The following MCTP2 variants were observed in gnomAD, a reference collection of about 807,000 sequenced individuals.
MCTP2 encodes multiple C2 and transmembrane domain containing 2.
MCTP2 carries 132 observed loss-of-function variants against 111.6 expected under a neutral mutation model. The observed-to-expected ratio is 1.18, with a 90% CI of 1.03 to 1.37. The LOEUF is 1.37. Ranked by LOEUF, MCTP2 falls within the 40% of genes most tolerant of loss-of-function variation. The pLI is 0.00. For synonymous variants in MCTP2, 395 were observed against 387.7 expected (o/e 1.02, Z -0.22); for missense variants, 1,183 against 1,067.9 (o/e 1.11, Z -1.50).
intron 17 of MCTP2, among the ~76,000 whole-genome samples, chr15:94,405,740 G>T (rs901402961): frequency 3.9e-5 from 6 of 152,184 alleles, no homozygotes; most frequent in Admixed American, 3.3e-4. Flanking sequence ...AGTTTCTATA[G>T]ACTCAGTTCT....
intron 1 of MCTP2, among the ~76,000 whole-genome samples, chr15:94,289,012 C>T (rs556399145): frequency 2.1e-4 from 32 of 152,158 alleles, no homozygotes; most frequent in Non-Finnish European, 3.8e-4. Context: ...ATAGAGTCTC[C>T]GGGATTATAG....
chr15:94,387,295 A>C (rs897643911), intron 14 of MCTP2, among the ~76,000 whole-genome samples: 4 of 151,720 alleles, frequency 2.6e-5, no homozygotes, highest in Non-Finnish European at 5.9e-5. Context: ...GCATCGTAGC[A>C]TGTCCAGCCG....
intron 19 of MCTP2, among the ~76,000 whole-genome samples, chr15:94,455,291 G>A (rs1244290594): frequency 1.3e-5 from 2 of 152,222 alleles, no homozygotes; most frequent in African/African-American, 2.4e-5. Flanking sequence ...TCCTGTGAAT[G>A]AATATAAAAA....
At chr15:94,280,409 T>G (rs1244316960) in intron 1 of MCTP2, among the ~76,000 whole-genome samples, 1 of 108,288 alleles carries the variant, frequency 9.2e-6, no homozygotes, top group African/African-American at 4.2e-5. Context: ...TCCATTAGTC[T>G]CGAGGGTTTT....
intron 10 of MCTP2, among the ~76,000 whole-genome samples, chr15:94,365,737 A>G (rs893062797): frequency 6.6e-6 from 1 of 152,162 alleles, no homozygotes; most frequent in Non-Finnish European, 1.5e-5. Context: ...TTGTATCTAA[A>G]TAAATTTTGG....
rs1410264046 is a variant in MCTP2, at chr15:94,390,100, A to ATG, written c.1788+4576_1788+4577insGT. 1.5e-3 allele frequency among the ~76,000 whole-genome samples: 127 copies of ATG among 82,518 alleles called. 6 individuals are homozygous for ATG. The highest frequency in any genetic ancestry group is 9.9e-3 in the East Asian group (40 of 4,024). 54.1% of individuals were successfully genotyped at this position (82,518 alleles called of 152,430 possible). A position where few individuals can be genotyped will look rare whatever the true frequency, so the allele number is the denominator to read the frequency against. On this transcript the variant is annotated intron_variant, in intron 14 of 22. Transcript: ENST00000357742. ...TATATATATATATATGTATATATAT[A>ATG]TATATATATATATGTATATATATAT...
chr15:94,323,990 C>T (rs2076738461), intron 4 of MCTP2, among the ~76,000 whole-genome samples: 1 of 152,198 alleles, frequency 6.6e-6, no homozygotes, highest in Non-Finnish European at 1.5e-5. Flanking sequence ...AGGACTTACA[C>T]TTGTTTTAAG....
intron 12 of MCTP2, among the ~76,000 whole-genome samples, chr15:94,371,502 G>A (rs530750389): frequency 4.6e-5 from 7 of 152,100 alleles, no homozygotes; most frequent in East Asian, 1.9e-4. Flanking sequence ...AGCGCTTTTC[G>A]AATGCACTGT....
At chr15:94,418,995 A>T (rs951879407) in intron 17 of MCTP2, among the ~76,000 whole-genome samples, 1 of 152,174 alleles carries the variant, frequency 6.6e-6, no homozygotes, top group Non-Finnish European at 1.5e-5. Context: ...TTAAAGTTAG[A>T]ATGGATCAGC....
In MCTP2 at chr15:94,460,622, G is replaced by A. The variant is rs188822359; in HGVS notation, c.2360+2376G>A. ...AAAAGACAAAAGTGACTGTTGTGCC[G>A]TTGATAATGTAAAAGGAAATGTGTC... is the stretch of plus-strand genomic sequence containing the variant. On this transcript the variant is annotated intron_variant, in intron 20 of 22. Coordinates refer to ENST00000357742, the MANE Select transcript of MCTP2 (RefSeq NM_001385001.1). 6.7e-3 allele frequency among the ~76,000 whole-genome samples: 1,017 copies of A among 152,334 alleles called. 16 individuals carry two copies. Among genetic ancestry groups the A allele is most frequent in the African/African-American group, 0.022 (902 of 41,574 alleles).
intron 1 of MCTP2, among the ~76,000 whole-genome samples, chr15:94,285,442 G>A (rs2074704405): frequency 6.6e-6 from 1 of 152,212 alleles, no homozygotes; most frequent in Non-Finnish European, 1.5e-5. Flanking sequence ...CCAGGTAAGG[G>A]CCAACCTTGC....
At chr15:94,444,212 G>A (rs1331586335) in intron 19 of MCTP2, among the ~76,000 whole-genome samples, 1 of 152,168 alleles carries the variant, frequency 6.6e-6, no homozygotes, top group Non-Finnish European at 1.5e-5. Flanking sequence ...TTCAGGAACA[G>A]CCAAATGGAA....
intron 17 of MCTP2, among the ~76,000 whole-genome samples, chr15:94,436,119 C>A (rs2083464035): frequency 6.6e-6 from 1 of 152,152 alleles, no homozygotes; most frequent in African/African-American, 2.4e-5. Flanking sequence ...CTTACACTCT[C>A]CTTTCAGCGT....
At position 94,479,514 on chromosome 15, in the gene MCTP2, T is replaced by A. The variant is rs1425864629; in HGVS notation, c.*480T>A. On this transcript the variant is annotated 3_prime_UTR_variant, in exon 23 of 23. Coordinates refer to ENST00000357742, the MANE Select transcript of MCTP2 (RefSeq NM_001385001.1). ...AGAGTTAACAAGTCTTTGGTAGTCATCCTCTGTCCAAATATTGTATATTAT... is the reference window on the plus strand; with the variant it reads ...AGAGTTAACAAGTCTTTGGTAGTCAACCTCTGTCCAAATATTGTATATTAT... 6.2e-6 allele frequency: 1 copy of A among 160,698 alleles called. No individual in the cohort carries two copies. The highest frequency in any genetic ancestry group is 2.4e-5 in the African/African-American group (1 of 41,846). The allele number at this position is 160,698 out of a possible 1,614,324, so 10.0% of individuals were successfully genotyped here. A position where few individuals can be genotyped will look rare whatever the true frequency, so the allele number is the denominator to read the frequency against.
At chr15:94,439,321 AGT>A (rs953014009) in intron 17 of MCTP2, among the ~76,000 whole-genome samples, 3 of 151,896 alleles carry the variant, frequency 2.0e-5, no homozygotes, top group African/African-American at 4.8e-5. Context: ...ATGTTATAGC[AGT>A]GGTTTTTTTC....
intron 14 of MCTP2, 52 bp downstream of exon 14, chr15:94,385,577 G>A: frequency 1.6e-6 from 2 of 1,257,110 alleles, no homozygotes; most frequent in Admixed American, 1.7e-5. Flanking sequence ...TAGTTGATGA[G>A]TTTCTATGGT....
chr15:94,460,164 A>G (rs957978163), intron 20 of MCTP2, among the ~76,000 whole-genome samples: 7 of 152,208 alleles, frequency 4.6e-5, no homozygotes, highest in African/African-American at 1.7e-4. Context: ...GAGAGGTAAG[A>G]GAGAATTCTG....
chr15:94,298,105 CG>C (rs554043881), intron 1 of MCTP2, 95 bp from the exon 2 acceptor site: 281 of 502,428 alleles, frequency 5.6e-4, no homozygotes, highest in Non-Finnish European at 8.9e-4. Context: ...ATTTTTGAGT[CG>C]TGTTTCTCAC....
chr15:94,313,597 A>G (rs1008306560), intron 2 of MCTP2, among the ~76,000 whole-genome samples: 13 of 152,218 alleles, frequency 8.5e-5, no homozygotes, highest in Admixed American at 6.5e-4. Flanking sequence ...GCTACTCGGG[A>G]GGCTGAGGCA....
Sources: gnomAD v4.1 joint callset for allele counts (sites outside exome capture counted in the v4.1 genomes callset) on GRCh38, gnomAD v4.1.1 for gene constraint, MANE v1.5 for transcripts, NCBI Gene and HGNC (gene_info 2026-07-23, HGNC 2026-07-21) for gene names.